The following BCL2 variants were observed in gnomAD, a reference collection of about 807,000 sequenced individuals.
BCL2 encodes BCL2 apoptosis regulator.
A neutral mutation model predicts 14.2 loss-of-function variants in BCL2; 1 was observed. That is an observed-to-expected ratio of 0.07 (90% CI 0.02 to 0.33). BCL2 has a LOEUF of 0.33. BCL2 is among the 10% of genes least tolerant of loss of function. The pLI is 0.99. For missense variants in BCL2, 247 were observed against 305.9 expected, an observed-to-expected ratio of 0.81 and a Z score of 1.44; for synonymous variants, 151 against 137.2, an observed-to-expected ratio of 1.10 and a Z score of -0.70.
chr18:63,148,226 A>ATT (rs1167637596), intron 2 of BCL2, among the ~76,000 whole-genome samples: 3 of 151,868 alleles, frequency 2.0e-5, no homozygotes, highest in Non-Finnish European at 4.4e-5. Flanking sequence ...AAGAATATCC[A>ATT]TTTTCTCTCT....
intron 2 of BCL2, among the ~76,000 whole-genome samples, chr18:63,188,662 A>G (rs1044621770): frequency 2.6e-5 from 4 of 152,168 alleles, no homozygotes; most frequent in Non-Finnish European, 5.9e-5. Context: ...CTATGTATAC[A>G]TCAACAAATC....
At chr18:63,250,232 G>C (rs561947252) in intron 2 of BCL2, among the ~76,000 whole-genome samples, 1 of 152,218 alleles carries the variant, frequency 6.6e-6, no homozygotes, top group East Asian at 1.9e-4. Flanking sequence ...CTGCAAAGGA[G>C]AACATATAGT....
intron 2 of BCL2, among the ~76,000 whole-genome samples, chr18:63,137,650 A>G (rs1307367322): frequency 6.6e-6 from 1 of 152,138 alleles, no homozygotes. Context: ...CTGACTGGTC[A>G]GTGTCCCTGC....
chr18:63,317,653 T>G, intron 2 of BCL2: 1 of 1,025,730 alleles, frequency 9.7e-7, no homozygotes, highest in Non-Finnish European at 1.2e-6. Flanking sequence ...CAGGGGAGCT[T>G]GTTTGGGATG....
intron 2 of BCL2, among the ~76,000 whole-genome samples, chr18:63,216,354 G>A (rs1213466653): frequency 7.2e-6 from 1 of 138,300 alleles, no homozygotes; most frequent in Admixed American, 7.5e-5. Flanking sequence ...AGATAAAGAA[G>A]AAACAGCGAA....
At chr18:63,220,975 A>G (rs1406239487) in intron 2 of BCL2, among the ~76,000 whole-genome samples, 1 of 151,780 alleles carries the variant, frequency 6.6e-6, no homozygotes, top group Admixed American at 6.5e-5. Flanking sequence ...CAAATGGTAT[A>G]TGTGGCTTTT....
intron 2 of BCL2, among the ~76,000 whole-genome samples, chr18:63,136,002 A>G (rs1268426236): frequency 6.6e-6 from 1 of 151,992 alleles, no homozygotes; most frequent in Non-Finnish European, 1.5e-5. Flanking sequence ...TGCCCCGGAC[A>G]CCAAGACCAC....
intron 2 of BCL2, among the ~76,000 whole-genome samples, chr18:63,261,264 G>A (rs979561806): frequency 6.6e-6 from 1 of 152,088 alleles, no homozygotes; most frequent in Non-Finnish European, 1.5e-5. Flanking sequence ...TCCAAGAGCC[G>A]ACAACTAGCT....
In BCL2 at chr18:63,163,318, A is replaced by G. The variant is rs375437107; in HGVS notation, c.586-34559T>C. On this transcript the variant is annotated intron_variant, in intron 2 of 2. Coordinates refer to ENST00000333681, the MANE Select transcript of BCL2 (RefSeq NM_000633.3). ...TCTACATCTCCTAAACTTCTCCAAT[A>G]GTTCATCACATCTGCTCTTCAGTTT... Among the ~76,000 whole-genome samples, 8 of 152,240 alleles carry G rather than the reference A, an allele frequency of 5.3e-5. 1 individual carries two copies. In the East Asian group the frequency reaches 1.3e-3, roughly 26 times the overall value.
chr18:63,128,581 T>C lies in BCL2; in HGVS notation c.*44A>G, dbSNP rs371826692. 2 of 774,026 alleles carry C rather than the reference T, an allele frequency of 2.6e-6. No individual in the cohort carries two copies. The highest frequency in any genetic ancestry group is 3.4e-5 in the African/African-American group (2 of 58,908). 47.9% of individuals were successfully genotyped at this position (774,026 alleles called of 1,614,324 possible). ...GACAATGCATATTATTTCTACTGCT[T>C]TAGTGAACCTTTTGCATATTTGTTT... On this transcript the variant is annotated 3_prime_UTR_variant, in exon 3 of 3. Transcript: ENST00000333681.
At chr18:63,137,557 CT>C (rs1054279558) in intron 2 of BCL2, among the ~76,000 whole-genome samples, 1 of 151,658 alleles carries the variant, frequency 6.6e-6, no homozygotes, top group Non-Finnish European at 1.5e-5. Context: ...AAATTCAGTG[CT>C]TTTTTTTTCT....
intron 2 of BCL2, among the ~76,000 whole-genome samples, chr18:63,267,040 A>G (rs912104759): frequency 2.6e-5 from 4 of 152,192 alleles, no homozygotes; most frequent in Non-Finnish European, 5.9e-5. Flanking sequence ...CCTCAGAAGG[A>G]GTGGCTTGTG....
intron 2 of BCL2, among the ~76,000 whole-genome samples, chr18:63,223,271 G>C (rs1315005650): frequency 6.6e-6 from 1 of 152,084 alleles, no homozygotes; most frequent in East Asian, 1.9e-4. Context: ...GTGGTGGCGG[G>C]CACCTGTAGT....
At chr18:63,306,876 C>A (rs1251148271) in intron 2 of BCL2, among the ~76,000 whole-genome samples, 1 of 142,350 alleles carries the variant, frequency 7.0e-6, no homozygotes, top group African/African-American at 2.7e-5. Context: ...AGCTATCATT[C>A]GTGTTAGCGT....
At chr18:63,209,125 C>G (rs1909925216) in intron 2 of BCL2, among the ~76,000 whole-genome samples, 1 of 152,180 alleles carries the variant, frequency 6.6e-6, no homozygotes, top group Non-Finnish European at 1.5e-5. Context: ...GAAAAAGCAA[C>G]AGTATTAATT....
intron 2 of BCL2, among the ~76,000 whole-genome samples, chr18:63,130,799 A>T (rs920293598): frequency 1.1e-4 from 16 of 152,206 alleles, no homozygotes; most frequent in Non-Finnish European, 2.4e-4. Flanking sequence ...TTTTTGAAAC[A>T]AACTCCTAGA....
chr18:63,207,707 G>C (rs867386966), intron 2 of BCL2: 1 of 152,176 alleles, frequency 6.6e-6, no homozygotes, highest in African/African-American at 2.4e-5. Context: ...ACTTAATATG[G>C]GGGTGGGGGA....
intron 2 of BCL2, among the ~76,000 whole-genome samples, chr18:63,242,295 A>T (rs962465946): frequency 6.6e-6 from 1 of 152,218 alleles, no homozygotes. Flanking sequence ...AACCCATGTG[A>T]CATGAGGCAG....
chr18:63,276,213 C>T (rs1035138571), intron 2 of BCL2, among the ~76,000 whole-genome samples: 1 of 152,200 alleles, frequency 6.6e-6, no homozygotes, highest in African/African-American at 2.4e-5. Context: ...CTAAGTGACA[C>T]AGAAACCTCA....
Sources: allele counts gnomAD v4.1 joint callset (sites outside exome capture counted in the v4.1 genomes callset), GRCh38; gene constraint gnomAD v4.1.1; transcripts MANE v1.5; gene names NCBI Gene and HGNC (gene_info 2026-07-23, HGNC 2026-07-21).